The following SLC2A9 variants were observed in gnomAD, a reference collection of about 807,000 sequenced individuals.
SLC2A9 encodes the protein solute carrier family 2, facilitated glucose transporter member 9.
In SLC2A9, 39 loss-of-function variants were observed where a neutral mutation model predicts 50.6. The ratio of observed to expected loss-of-function variants is 0.77; its 90% confidence interval spans 0.60 to 1.01. The LOEUF is 1.01. SLC2A9 is among the 50% of genes least tolerant of loss of function. SLC2A9 has a pLI of 0.00. For missense variants in SLC2A9, 686 were observed against 677.6 expected (o/e 1.01, Z -0.14); for synonymous variants, 324 against 276.9 (o/e 1.17, Z -1.69).
At chr4:9,958,208 C>G (rs1258609673) in intron 5 of SLC2A9, among the ~76,000 whole-genome samples, 3 of 152,178 alleles carry the variant, frequency 2.0e-5, no homozygotes, top group Non-Finnish European at 4.4e-5. Flanking sequence ...AGAATAAAGA[C>G]ATTTTTAGAC....
At chr4:9,841,513 C>T (rs560134135) in intron 10 of SLC2A9, among the ~76,000 whole-genome samples, 12 of 152,098 alleles carry the variant, frequency 7.9e-5, no homozygotes, top group Non-Finnish European at 1.2e-4. Context: ...GATGGAAGAC[C>T]GATCTTTGAC....
downstream of SLC2A9, among the ~76,000 whole-genome samples, chr4:9,824,606 T>C (rs995142557): frequency 6.6e-5 from 10 of 152,210 alleles, no homozygotes; most frequent in African/African-American, 2.4e-4. Context: ...ATGACAACTT[T>C]ACAGTTAATG....
At chr4:10,032,398 T>A (rs1331487406) in intron 1 of SLC2A9, among the ~76,000 whole-genome samples, 2 of 152,046 alleles carry the variant, frequency 1.3e-5, no homozygotes, top group African/African-American at 4.8e-5. Flanking sequence ...TCAAGGCCTG[T>A]CTTGTGACGT....
At chr4:9,972,350 C>T (rs574331920) in intron 5 of SLC2A9, among the ~76,000 whole-genome samples, 5 of 151,852 alleles carry the variant, frequency 3.3e-5, no homozygotes, top group Admixed American at 2.6e-4. Context: ...TTTATCTTTG[C>T]AAGAGAAATA....
At chr4:9,800,004 A>G (rs750776236) in intron 3 of SLC2A9, among the ~76,000 whole-genome samples, 2 of 152,240 alleles carry the variant, frequency 1.3e-5, no homozygotes, top group Non-Finnish European at 2.9e-5. Context: ...ACTGAACATT[A>G]GTAACATCCC....
intron 10 of SLC2A9, among the ~76,000 whole-genome samples, chr4:9,840,944 C>A (rs914021519): frequency 2.0e-5 from 3 of 152,076 alleles, no homozygotes; most frequent in Non-Finnish European, 4.4e-5. Flanking sequence ...GGGGAAACTT[C>A]CACTTTGAAA....
intron 3 of SLC2A9, among the ~76,000 whole-genome samples, chr4:9,791,403 C>T (rs184025339): frequency 3.9e-4 from 60 of 152,316 alleles, no homozygotes; most frequent in African/African-American, 1.3e-3. Flanking sequence ...TAGAGAGGAA[C>T]TGTACTCTAG....
chr4:10,005,787 T>A (rs1760682172), intron 2 of SLC2A9, among the ~76,000 whole-genome samples: 1 of 152,216 alleles, frequency 6.6e-6, no homozygotes, highest in Non-Finnish European at 1.5e-5. Flanking sequence ...TCTTAAGCAA[T>A]CTGTGTGCCT....
intron 4 of SLC2A9, 99 bp downstream of exon 4, chr4:9,985,570 G>C: frequency 2.0e-6 from 3 of 1,517,926 alleles, no homozygotes; most frequent in South Asian, 2.4e-5. Flanking sequence ...AATGCCAGCA[G>C]AGAGCCCCAG....
chr4:9,810,221 T>C (rs1211841070), intron 3 of SLC2A9, among the ~76,000 whole-genome samples: 2 of 151,860 alleles, frequency 1.3e-5, no homozygotes, highest in East Asian at 1.9e-4. Flanking sequence ...CATTACCGAG[T>C]GCACAGTAGA....
At chr4:9,859,146 G>C (rs187945857) in intron 10 of SLC2A9, among the ~76,000 whole-genome samples, 6 of 152,282 alleles carry the variant, frequency 3.9e-5, no homozygotes, top group African/African-American at 9.6e-5. Context: ...CTTGCAAATG[G>C]TCTATCGTGG....
At chr4:9,828,511 C>A (rs1486932724) in intron 11 of SLC2A9, among the ~76,000 whole-genome samples, 6 of 152,212 alleles carry the variant, frequency 3.9e-5, no homozygotes, top group African/African-American at 1.4e-4. Flanking sequence ...GGCCACCGAC[C>A]ATGTGTCCCT....
intron 5 of SLC2A9, among the ~76,000 whole-genome samples, chr4:9,961,918 C>T (rs1047260250): frequency 6.6e-6 from 1 of 152,196 alleles, no homozygotes; most frequent in Non-Finnish European, 1.5e-5. Context: ...CATGAACAGA[C>T]ACTTCTCGAA....
chr4:9,843,489 A>T (rs1728430439), intron 10 of SLC2A9, among the ~76,000 whole-genome samples: 1 of 151,826 alleles, frequency 6.6e-6, no homozygotes, highest in Non-Finnish European at 1.5e-5. Flanking sequence ...AGGGTGTAAC[A>T]CTATAGTTAG....
At chr4:9,799,073 A>C (rs1298629863), downstream of SLC2A9, 1 of 152,174 alleles carries the variant, frequency 6.6e-6, no homozygotes, top group Non-Finnish European at 1.5e-5. Context: ...GGCTCTCAGC[A>C]TGACTCAGTT....
At chr4:9,979,943 T>C (rs1434651326) in intron 5 of SLC2A9, among the ~76,000 whole-genome samples, 1 of 150,508 alleles carries the variant, frequency 6.6e-6, no homozygotes, top group Non-Finnish European at 1.5e-5. Context: ...CCTGCCTAAC[T>C]CCTGCTTACC....
At chr4:9,836,577 A>G (rs1415371635) in intron 10 of SLC2A9, among the ~76,000 whole-genome samples, 3 of 152,196 alleles carry the variant, frequency 2.0e-5, no homozygotes, top group Admixed American at 2.0e-4. Flanking sequence ...CTGTCCAGAC[A>G]CCTGAAGGAG....
At chr4:9,836,717 T>C (rs1055862376) in intron 10 of SLC2A9, among the ~76,000 whole-genome samples, 1 of 152,200 alleles carries the variant, frequency 6.6e-6, no homozygotes, top group Admixed American at 6.5e-5. Flanking sequence ...AGGTGATCAA[T>C]TTGCATTTCA....
chr4:10,033,347 T>C (rs1343274434), intron 1 of SLC2A9, among the ~76,000 whole-genome samples: 1 of 152,176 alleles, frequency 6.6e-6, no homozygotes, highest in South Asian at 2.1e-4. Context: ...GGCTTCCTTC[T>C]GACTCAGATG....
Sources: allele counts gnomAD v4.1 joint callset (sites outside exome capture counted in the v4.1 genomes callset), GRCh38; gene constraint gnomAD v4.1.1; transcripts MANE v1.5; gene names NCBI Gene and HGNC (gene_info 2026-07-23, HGNC 2026-07-21).